The following FUT8 variants were observed in gnomAD, a reference collection of about 807,000 sequenced individuals.
FUT8 encodes fucosyltransferase 8, also known as alpha-(1,6)-fucosyltransferase.
Under a neutral mutation model 71.3 loss-of-function variants are expected in FUT8, and 29 were observed. The observed-to-expected ratio is 0.41, with a 90% CI of 0.30 to 0.55. The LOEUF (loss-of-function observed/expected upper bound fraction) is 0.55. FUT8 is among the 20% of genes least tolerant of loss of function. The pLI is 0.34. For missense variants in FUT8, 544 were observed against 702.1 expected, an observed-to-expected ratio of 0.77 and a Z score of 2.55; for synonymous variants, 254 against 239.3, an observed-to-expected ratio of 1.06 and a Z score of -0.57.
chr14:65,371,689 A>C, the FUT8 span, among the ~76,000 whole-genome samples: 8 of 152,218 alleles, frequency 5.3e-5, no homozygotes, highest in African/African-American at 1.9e-4. Flanking sequence ...ATGTCCTTTG[A>C]CATGTCACCA....
chr14:65,459,032 GC>G (rs2065935507), intron 2 of FUT8, among the ~76,000 whole-genome samples: 1 of 152,122 alleles, frequency 6.6e-6, no homozygotes, highest in African/African-American at 2.4e-5. Flanking sequence ...CAAGCGGTCT[GC>G]CCACCTCAGC....
chr14:65,705,336 G>T (rs1006720038), intron 7 of FUT8, among the ~76,000 whole-genome samples: 35 of 152,258 alleles, frequency 2.3e-4, no homozygotes, highest in Non-Finnish European at 4.7e-4. Context: ...ACAGATCTCT[G>T]TCATTAAATG....
At chr14:65,542,184 G>T (rs1884714102) in intron 2 of FUT8, among the ~76,000 whole-genome samples, 1 of 152,180 alleles carries the variant, frequency 6.6e-6, no homozygotes, top group Non-Finnish European at 1.5e-5. Flanking sequence ...TATACTTAAT[G>T]AGAGACCAGC....
At chr14:65,661,293 C>T (rs1379589489) in intron 6 of FUT8, among the ~76,000 whole-genome samples, 1 of 150,778 alleles carries the variant, frequency 6.6e-6, no homozygotes, top group Non-Finnish European at 1.5e-5. Flanking sequence ...GGGCAGTGGA[C>T]AGTGGATCAA....
At chr14:65,606,503 T>C (rs1208254237) in intron 3 of FUT8, among the ~76,000 whole-genome samples, 8 of 151,938 alleles carry the variant, frequency 5.3e-5, no homozygotes, top group Admixed American at 5.2e-4. Context: ...GCAAAATTTC[T>C]TCTAAAATTT....
At chr14:65,372,535 C>T in the FUT8 span, among the ~76,000 whole-genome samples, 1 of 152,000 alleles carries the variant, frequency 6.6e-6, no homozygotes, top group African/African-American at 2.4e-5. Flanking sequence ...CCTGCCTCAG[C>T]CTCCCGAGTA....
intron 2 of FUT8, among the ~76,000 whole-genome samples, chr14:65,527,898 G>A (rs1222133396): frequency 6.6e-6 from 1 of 152,222 alleles, no homozygotes; most frequent in Non-Finnish European, 1.5e-5. Flanking sequence ...CTGCCTGATT[G>A]TTCCTCTGGA....
At chr14:65,480,968 G>A (rs2066321731) in intron 2 of FUT8, among the ~76,000 whole-genome samples, 2 of 152,198 alleles carry the variant, frequency 1.3e-5, no homozygotes, top group African/African-American at 2.4e-5. Flanking sequence ...AGAATTATAG[G>A]CATGACCATC....
chr14:65,690,851 G>A (rs747639814), intron 7 of FUT8, among the ~76,000 whole-genome samples: 2 of 151,670 alleles, frequency 1.3e-5, no homozygotes, highest in Non-Finnish European at 2.9e-5. Context: ...TCAGCCTTCC[G>A]AGTAGCTGGG....
At chr14:65,557,171 T>C (rs1242225273) in intron 2 of FUT8, among the ~76,000 whole-genome samples, 1 of 152,206 alleles carries the variant, frequency 6.6e-6, no homozygotes, top group Non-Finnish European at 1.5e-5. Flanking sequence ...GAAAAAGTAC[T>C]TTGAAAAATC....
At position 65,576,883 on chromosome 14, in the gene FUT8, C is replaced by T. The variant is rs1476477829; in HGVS notation, c.203+15117C>T. On this transcript the variant is annotated intron_variant, in intron 3 of 10. Transcript: ENST00000673929. ...TATAGGCACGCGTCGCCATGCCCAG[C>T]TAATTTTTGTACTTTTCATAGAGAT... Among the ~76,000 whole-genome samples, 4 of 152,022 alleles carry T rather than the reference C, an allele frequency of 2.6e-5. 1 individual carries two copies. In the Middle Eastern group the frequency reaches 0.01, roughly 388 times the overall value.
intron 1 of FUT8, among the ~76,000 whole-genome samples, chr14:65,429,732 G>A (rs2065441147): frequency 6.6e-6 from 1 of 151,802 alleles, no homozygotes; most frequent in African/African-American, 2.4e-5. Flanking sequence ...GTGTGGTGGT[G>A]TGTGCCTGTA....
At chr14:65,628,566 G>A (rs1056355966) in intron 5 of FUT8, among the ~76,000 whole-genome samples, 7 of 152,104 alleles carry the variant, frequency 4.6e-5, no homozygotes, top group African/African-American at 1.7e-4. Context: ...GATTTGTAGG[G>A]GATGTTAGAC....
At chr14:65,436,533 G>A (rs1170299897) in intron 1 of FUT8, among the ~76,000 whole-genome samples, 2 of 151,830 alleles carry the variant, frequency 1.3e-5, no homozygotes, top group African/African-American at 2.4e-5. Context: ...GGAGGCTGAG[G>A]CAGGAGAATG....
chr14:65,578,870 A>G (rs1477285941), intron 3 of FUT8, among the ~76,000 whole-genome samples: 1 of 152,140 alleles, frequency 6.6e-6, no homozygotes, highest in Non-Finnish European at 1.5e-5. Context: ...AAATAGAATG[A>G]ATTTGATTTT....
chr14:65,655,878 G>A (rs376039931), intron 6 of FUT8, among the ~76,000 whole-genome samples: 1 of 152,274 alleles, frequency 6.6e-6, no homozygotes, highest in East Asian at 1.9e-4. Context: ...CATTTCAATT[G>A]ATGCTGAAAA....
the FUT8 span, among the ~76,000 whole-genome samples, chr14:65,392,766 C>G: frequency 6.6e-6 from 1 of 152,168 alleles, no homozygotes; most frequent in South Asian, 2.1e-4. Context: ...TGGAAGCGTC[C>G]TGCTTCTTCC....
At chr14:65,591,454 T>G (rs1322791723) in intron 3 of FUT8, among the ~76,000 whole-genome samples, 2 of 152,168 alleles carry the variant, frequency 1.3e-5, no homozygotes, top group Non-Finnish European at 2.9e-5. Flanking sequence ...AGCAAGATAA[T>G]ATACAAGAAA....
intron 1 of FUT8, among the ~76,000 whole-genome samples, chr14:65,440,836 A>G (rs1041767117): frequency 4.6e-5 from 7 of 152,322 alleles, no homozygotes; most frequent in South Asian, 2.1e-4. Flanking sequence ...AAACACACCA[A>G]GAATTAGGGA....
Sources: gnomAD v4.1 joint callset for allele counts (sites outside exome capture counted in the v4.1 genomes callset) on GRCh38, gnomAD v4.1.1 for gene constraint, MANE v1.5 for transcripts, NCBI Gene and HGNC (gene_info 2026-07-23, HGNC 2026-07-21) for gene names.